The following RBM27 variants were observed in gnomAD, a reference collection of about 807,000 sequenced individuals.
The protein encoded by RBM27 is RNA-binding protein 27.
A neutral mutation model predicts 135.3 loss-of-function variants in RBM27; 22 were observed. The ratio of observed to expected loss-of-function variants is 0.16; its 90% CI spans 0.12 to 0.23. RBM27 has a LOEUF of 0.23. Ranked by LOEUF, RBM27 falls within the 10% of genes least tolerant of loss-of-function variation. RBM27 has a pLI of 1.00. For synonymous variants in RBM27, 481 were observed against 442.4 expected (o/e 1.09, Z -1.10); for missense variants, 1,009 against 1,281.0 (o/e 0.79, Z 3.24).
intron 4 of RBM27, 60 bp from the exon 5 acceptor site, chr5:146,229,657 A>T: frequency 7.2e-7 from 1 of 1,398,132 alleles, no homozygotes. Context: ...TATACTATAG[A>T]TTTGTTTGCA....
In RBM27 at chr5:146,203,640, A is replaced by G; in HGVS notation, c.-126A>G. On this transcript the variant is annotated 5_prime_UTR_variant, in exon 1 of 21. Transcript: ENST00000265271. Reference sequence around the variant, plus strand: ...AGGCCCCGGCCGGGGGAGTAGGTTGAAGTCTCCTAAGATGCCCGGTGGGCT... The same window carrying G: ...AGGCCCCGGCCGGGGGAGTAGGTTGGAGTCTCCTAAGATGCCCGGTGGGCT... 1.2e-6 allele frequency: 1 copy of G among 842,316 alleles called. No homozygotes were observed. Among genetic ancestry groups the G allele is most frequent in the African/African-American group, 1.7e-5 (1 of 57,748 alleles). The allele number at this position is 842,316 out of a possible 1,614,324, so 52.2% of individuals were successfully genotyped here.
Position 146,251,828 on chromosome 5 carries a change from C to G in RBM27, c.1397C>G (p.Ser466Cys). The change falls in exon 9 of 21, where the codon TCC becomes TGC. Residue 466 changes from serine to cysteine, a missense_variant. This residue lies in a region of RBM27 where 329 missense variants were observed against 368.1 expected (regional missense o/e 0.89). Coordinates refer to ENST00000265271, the MANE Select transcript of RBM27 (RefSeq NM_018989.2). Reference protein sequence around the residue: ...LVPPRNLMGSSIGYHTSVSSP... With the variant: ...LVPPRNLMGSCIGYHTSVSSP... Reference sequence around the variant, plus strand: ...CCACCTCGAAACCTCATGGGATCCTCCATTGGATACCATACCTCAGTCTCC... The same window carrying G: ...CCACCTCGAAACCTCATGGGATCCTGCATTGGATACCATACCTCAGTCTCC... 6.2e-7 allele frequency: 1 copy of G among 1,614,114 alleles called. No individual in the cohort carries two copies. Among genetic ancestry groups the G allele is most frequent in the South Asian group, 1.1e-5 (1 of 91,080 alleles).
chr5:146,230,613 A>G (rs1756885796), intron 5 of RBM27, 44 bp from the exon 6 acceptor site: 5 of 1,583,780 alleles, frequency 3.2e-6, no homozygotes, highest in African/African-American at 2.7e-5. Context: ...AACATGAAAT[A>G]TCTGATCTCT....
At chr5:146,206,518 TA>T (rs1755672424) in intron 1 of RBM27, among the ~76,000 whole-genome samples, 2 of 151,090 alleles carry the variant, frequency 1.3e-5, no homozygotes, top group Admixed American at 6.7e-5. Flanking sequence ...TTCACATGCT[TA>T]TTTTTTTTAA....
At chr5:146,281,971 G>A (rs1381578442) in intron 19 of RBM27, among the ~76,000 whole-genome samples, 1 of 139,360 alleles carries the variant, frequency 7.2e-6, no homozygotes, top group Non-Finnish European at 1.6e-5. Flanking sequence ...TATAATAGTT[G>A]TATCAATATA....
At chr5:146,235,279 G>A (rs938465545) in intron 7 of RBM27, among the ~76,000 whole-genome samples, 11 of 151,806 alleles carry the variant, frequency 7.2e-5, no homozygotes, top group South Asian at 4.2e-4. Flanking sequence ...TTCATGGCCC[G>A]GCACAGTGGT....
intron 19 of RBM27, among the ~76,000 whole-genome samples, chr5:146,273,001 C>A (rs977067999): frequency 6.6e-6 from 1 of 152,120 alleles, no homozygotes; most frequent in African/African-American, 2.4e-5. Context: ...TGGAGGAACA[C>A]TATACAAGTG....
chr5:146,260,750 G>A lies in RBM27; in HGVS notation c.1745G>A (p.Gly582Glu). Residue 582 changes from glycine to glutamate, a missense_variant, in exon 12 of 21, where the codon GGA becomes GAA. By Grantham distance (98) the Gly-to-Glu change is moderately conservative. Transcript: ENST00000265271. ...LTKKPWLGKQ[G>E]NNNQNKPGFL... The stretch of plus-strand genomic sequence containing the variant: ...TGTATTAATCTTCCTTTTAGGCAAG[G>A]AAATAACAATCAAAATAAACCAGGG... 6.2e-7 allele frequency: 1 copy of A among 1,603,964 alleles called. No homozygotes were observed. Among genetic ancestry groups the A allele is most frequent in the African/African-American group, 1.3e-5 (1 of 74,484 alleles).
At chr5:146,238,307 G>A (rs1343650382) in intron 8 of RBM27, among the ~76,000 whole-genome samples, 1 of 152,084 alleles carries the variant, frequency 6.6e-6, no homozygotes, top group East Asian at 1.9e-4. Context: ...TCGGGAGTTC[G>A]AGACCATCCT....
chr5:146,275,857 G>T (rs974025635), intron 19 of RBM27, among the ~76,000 whole-genome samples: 2 of 152,126 alleles, frequency 1.3e-5, no homozygotes, highest in Non-Finnish European at 2.9e-5. Context: ...AAGTAGTGTG[G>T]CTCATTTAAC....
In RBM27 at chr5:146,271,576, G is replaced by A. The variant is rs774775845; in HGVS notation, c.2890G>A (p.Gly964Ser). 2 of 1,613,532 alleles carry A rather than the reference G, an allele frequency of 1.2e-6. No homozygotes were observed. The highest frequency in any genetic ancestry group is 1.7e-6 in the Non-Finnish European group (2 of 1,179,552). Reference protein sequence around the residue: ...RGRGRGGRGRGSLNHMVVDHR... With the variant: ...RGRGRGGRGRSSLNHMVVDHR... ...CCGAGGGCGTGGAGGAAGAGGAAGGGGCTCACTAAATCACATGGTGGTGGA... is the reference window on the plus strand; with the variant it reads ...CCGAGGGCGTGGAGGAAGAGGAAGGAGCTCACTAAATCACATGGTGGTGGA... The change falls in exon 19 of 21, where the codon GGC becomes AGC. Residue 964 changes from glycine (G) to serine (S), a missense_variant. Physicochemically the swap from Gly to Ser is moderately conservative, Grantham distance 56. Coordinates refer to ENST00000265271, the MANE Select transcript of RBM27 (RefSeq NM_018989.2).
intron 15 of RBM27, among the ~76,000 whole-genome samples, chr5:146,268,953 ACATTCAGGT>A (rs1307822826): frequency 6.6e-6 from 1 of 152,218 alleles, no homozygotes; most frequent in East Asian, 1.9e-4. Context: ...CTTCATAAGG[ACATTCAGGT>A]CATTCAAGTC....
In RBM27 at chr5:146,285,985, C is replaced by T. The variant is rs745845587; in HGVS notation, c.3138C>T (p.Asp1046=). The change falls in exon 21 of 21, where the codon GAC becomes GAT. Residue 1046 remains aspartate (D), a synonymous_variant. Coordinates refer to ENST00000265271, the MANE Select transcript of RBM27 (RefSeq NM_018989.2). The part of the protein sequence containing the change: ...ETSDLFLPDD[D]DEDEDEYESR... ...CAGATTTGTTTTTGCCTGATGATGACGATGAAGATGAAGATGAATATGAGT... is the reference window on the plus strand; with the variant it reads ...CAGATTTGTTTTTGCCTGATGATGATGATGAAGATGAAGATGAATATGAGT... 13 of 1,612,272 alleles carry T rather than the reference C, an allele frequency of 8.1e-6. No individual in the cohort carries two copies. The highest frequency in any genetic ancestry group is 5.0e-5 in the Admixed American group (3 of 59,800).
chr5:146,230,456 A>G (rs934171227), intron 5 of RBM27, among the ~76,000 whole-genome samples: 7 of 152,162 alleles, frequency 4.6e-5, no homozygotes, highest in African/African-American at 1.7e-4. Flanking sequence ...ATGATTTTGC[A>G]CAAGTTCTTG....
intron 7 of RBM27, among the ~76,000 whole-genome samples, chr5:146,236,505 T>C (rs1757166335): frequency 6.6e-6 from 1 of 152,264 alleles, no homozygotes; most frequent in Admixed American, 6.5e-5. Flanking sequence ...ACAAGTAATG[T>C]TCTTTTAATT....
chr5:146,283,891 T>C (rs1263868458), intron 19 of RBM27, among the ~76,000 whole-genome samples: 1 of 152,198 alleles, frequency 6.6e-6, no homozygotes, highest in African/African-American at 2.4e-5. Context: ...GTTCTATAAA[T>C]GAGGACCTTT....
chr5:146,203,605 A>G lies in RBM27; in HGVS notation c.-161A>G. 3 of 630,452 alleles carry G rather than the reference A, an allele frequency of 4.8e-6. No homozygotes were observed. Among genetic ancestry groups the G allele is most frequent in the South Asian group, 2.0e-5 (1 of 50,564 alleles). The allele number at this position is 630,452 out of a possible 1,614,324, so 39.1% of individuals were successfully genotyped here. On this transcript the variant is annotated 5_prime_UTR_variant, in exon 1 of 21. Coordinates refer to ENST00000265271, the MANE Select transcript of RBM27 (RefSeq NM_018989.2). The stretch of plus-strand genomic sequence containing the variant: ...TAGGTTGAGTGAGGGCTCTTGGGTT[A>G]GTTCCTGTTAGGCCCCGGCCGGGGG...
chr5:146,285,344 C>T (rs1051266763), intron 20 of RBM27, among the ~76,000 whole-genome samples: 1 of 152,058 alleles, frequency 6.6e-6, no homozygotes, highest in African/African-American at 2.4e-5. Context: ...AGATACCTAG[C>T]TAGCATTTAT....
At position 146,288,595 on chromosome 5, in the gene RBM27, C is replaced by A. The variant is rs1759674183; in HGVS notation, c.*2565C>A. 6.6e-6 allele frequency: 1 copy of A among 152,034 alleles called. No individual in the cohort carries two copies. The highest frequency in any genetic ancestry group is 2.1e-4 in the South Asian group (1 of 4,830). 9.4% of individuals were successfully genotyped at this position (152,034 alleles called of 1,614,324 possible). ...AGTGAATAACTGCCATACATGTTTTCTTGGCATCTTCATTTACAGAAATAA... is the reference window on the plus strand; with the variant it reads ...AGTGAATAACTGCCATACATGTTTTATTGGCATCTTCATTTACAGAAATAA... On this transcript the variant is annotated 3_prime_UTR_variant, in exon 21 of 21. Transcript: ENST00000265271.
Sources: allele counts gnomAD v4.1 joint callset (sites outside exome capture counted in the v4.1 genomes callset), GRCh38; gene constraint gnomAD v4.1.1; regional missense constraint gnomAD v4.1.1; transcripts MANE v1.5; gene names NCBI Gene and HGNC (gene_info 2026-07-23, HGNC 2026-07-21).